Variants in MAS1 observed in about 807,000 individuals in gnomAD.
MAS1 encodes proto-oncogene Mas.
For synonymous variants in MAS1, 163 were observed against 164.2 expected, an observed-to-expected ratio of 0.99 and a Z score of 0.05; for missense variants, 387 against 409.7, an observed-to-expected ratio of 0.94 and a Z score of 0.48.
In MAS1 at chr6:159,911,441, T is replaced by G. The variant is rs1782964004; in HGVS notation, c.*3508T>G. 1 of 149,616 alleles carries G rather than the reference T, an allele frequency of 6.7e-6. No individual in the cohort carries two copies. The highest frequency in any genetic ancestry group is 2.5e-5 in the African/African-American group (1 of 40,296). The allele number at this position is 149,616 out of a possible 1,614,324, so 9.3% of individuals were successfully genotyped here. A position where few individuals can be genotyped will look rare whatever the true frequency, so the allele number is the denominator to read the frequency against. On this transcript the variant is annotated 3_prime_UTR_variant, in exon 3 of 3. Transcript: ENST00000674077. Reference sequence around the variant, plus strand: ...CCTCCACCTCCCAGGTTCAAGCAATTCTCCTGCCTCAGCCTCCCAAGTAGC... The same window carrying G: ...CCTCCACCTCCCAGGTTCAAGCAATGCTCCTGCCTCAGCCTCCCAAGTAGC...
At position 159,910,436 on chromosome 6, in the gene MAS1, C is replaced by T. The variant is rs1354617521; in HGVS notation, c.*2503C>T. On this transcript the variant is annotated 3_prime_UTR_variant, in exon 3 of 3. Coordinates refer to ENST00000674077, the MANE Select transcript of MAS1 (RefSeq NM_002377.4). ...GGCTCTTCCTGCCACCCCCATATTG[C>T]ATGCAGCCTCTTCTGTTCCCTCCCC... 6.6e-6 allele frequency: 1 copy of T among 152,290 alleles called. No homozygotes were observed. The highest frequency in any genetic ancestry group is 1.5e-5 in the Non-Finnish European group (1 of 68,068). The allele number at this position is 152,290 out of a possible 1,614,324, so 9.4% of individuals were successfully genotyped here. A position where few individuals can be genotyped will look rare whatever the true frequency, so the allele number is the denominator to read the frequency against.
chr6:159,899,694 G>C (rs1488707275), intron 2 of MAS1, among the ~76,000 whole-genome samples: 1 of 152,154 alleles, frequency 6.6e-6, no homozygotes, highest in Non-Finnish European at 1.5e-5. Flanking sequence ...AGCTATGACT[G>C]CACCACTGCA....
chr6:159,889,994 T>G (rs1225134985), upstream of MAS1, among the ~76,000 whole-genome samples: 1 of 152,206 alleles, frequency 6.6e-6, no homozygotes, highest in Admixed American at 6.5e-5. Context: ...TTCTTACCCC[T>G]TTTGATATAG....
intron 1 of MAS1, among the ~76,000 whole-genome samples, chr6:159,892,710 A>G (rs975191622): frequency 1.3e-5 from 2 of 152,178 alleles, no homozygotes; most frequent in Non-Finnish European, 1.5e-5. Context: ...AATTGCAGCC[A>G]GCAATCTCAG....
rs1205962849 is a variant in MAS1 at position 159,917,347 on chromosome 6, A to G, written c.*9414A>G. Among the ~76,000 whole-genome samples the G allele has an allele frequency of 6.6e-6, 1 of 152,246 alleles. No individual in the cohort carries two copies. The highest frequency in any genetic ancestry group is 2.4e-5 in the African/African-American group (1 of 41,458). ...AATAGAATTCCAATTCTACATGCTC[A>G]GGGACCATTTTGTTCACTTGTATCA... On this transcript the variant is annotated 3_prime_UTR_variant, in exon 3 of 3. Coordinates refer to ENST00000674077, the MANE Select transcript of MAS1 (RefSeq NM_002377.4).
At chr6:159,905,752 C>A (rs1782877761) in intron 2 of MAS1, among the ~76,000 whole-genome samples, 1 of 152,174 alleles carries the variant, frequency 6.6e-6, no homozygotes, top group African/African-American at 2.4e-5. Context: ...TAAAAATATT[C>A]TTTTGATTGG....
intron 1 of MAS1, among the ~76,000 whole-genome samples, chr6:159,893,443 G>C (rs919574542): frequency 6.6e-6 from 1 of 152,144 alleles, no homozygotes; most frequent in Admixed American, 6.5e-5. Context: ...ACAAAGTGAG[G>C]AGGGCATCTG....
Position 159,907,629 on chromosome 6 carries a change from A to C in MAS1, c.674A>C (p.Lys225Thr). The stretch of plus-strand genomic sequence containing the variant: ...AACACGTGGGCTTCCCATTCCTCCA[A>C]GCTTTACATAGTCATCATGGTCACC... ...RKNTWASHSS[K>T]LYIVIMVTII... Residue 225 changes from lysine (K) to threonine (T), a missense_variant, in exon 3 of 3, where the codon AAG (lysine) becomes ACG (threonine). Lys to Thr is a moderately conservative substitution (Grantham distance 78, BLOSUM62 -1). Coordinates refer to ENST00000674077, the MANE Select transcript of MAS1 (RefSeq NM_002377.4). 1 of 1,613,694 alleles carries C rather than the reference A, an allele frequency of 6.2e-7. No homozygotes were observed. Among genetic ancestry groups the C allele is most frequent in the East Asian group, 2.2e-5 (1 of 44,824 alleles).
intron 1 of MAS1, among the ~76,000 whole-genome samples, chr6:159,897,649 T>C (rs145613850): frequency 6.0e-4 from 91 of 152,314 alleles, no homozygotes; most frequent in African/African-American, 2.0e-3. Context: ...TGATCAGGAA[T>C]GAACAGGGGC....
chr6:159,891,870 G>A (rs991798209), intron 1 of MAS1, among the ~76,000 whole-genome samples: 3 of 152,178 alleles, frequency 2.0e-5, no homozygotes, highest in Non-Finnish European at 2.9e-5. Context: ...CTCTAGCAGA[G>A]TGCCACGGCC....
chr6:159,897,686 A>G (rs1333754714), intron 1 of MAS1, among the ~76,000 whole-genome samples: 1 of 152,220 alleles, frequency 6.6e-6, no homozygotes, highest in East Asian at 1.9e-4. Context: ...GCAAGATGGA[A>G]TCAGTTAGGT....
intron 1 of MAS1, among the ~76,000 whole-genome samples, chr6:159,894,694 C>A (rs77464169): frequency 6.6e-6 from 1 of 152,142 alleles, no homozygotes; most frequent in Non-Finnish European, 1.5e-5. Flanking sequence ...GAGAGCGCTG[C>A]GCTGTTGAAT....
Position 159,913,268 on chromosome 6 carries a change from C to G in MAS1, c.*5335C>G, listed in dbSNP as rs1026926456. 4 of 152,326 alleles carry G rather than the reference C, an allele frequency of 2.6e-5. No homozygotes were observed. Among genetic ancestry groups the G allele is most frequent in the Admixed American group, 2.6e-4 (4 of 15,284 alleles). 9.4% of individuals were successfully genotyped at this position (152,326 alleles called of 1,614,324 possible). ...ATCCCAGCTACTTGGGAGGCTGAGGCAGGAGAATTGCTTGAACCTGGGAGG... is the reference window on the plus strand; with the variant it reads ...ATCCCAGCTACTTGGGAGGCTGAGGGAGGAGAATTGCTTGAACCTGGGAGG... On this transcript the variant is annotated 3_prime_UTR_variant, in exon 3 of 3. Coordinates refer to ENST00000674077, the MANE Select transcript of MAS1 (RefSeq NM_002377.4).
intron 1 of MAS1, among the ~76,000 whole-genome samples, chr6:159,893,480 A>T (rs1782723245): frequency 6.6e-6 from 1 of 152,174 alleles, no homozygotes; most frequent in East Asian, 1.9e-4. Flanking sequence ...GAGCAGTGGC[A>T]GACATAGGCA....
rs1782996233 is a variant in MAS1 at position 159,914,221 on chromosome 6, A to C, written c.*6288A>C. ...TCTGTCAGACATTTCGGAGATCTTC[A>C]ATTCTTCTGGGTCCATTGCTACAGC... is the stretch of plus-strand genomic sequence containing the variant. On this transcript the variant is annotated 3_prime_UTR_variant, in exon 3 of 3. Transcript: ENST00000674077. 1 of 152,104 alleles carries C rather than the reference A, an allele frequency of 6.6e-6. No individual in the cohort carries two copies. The highest frequency in any genetic ancestry group is 1.5e-5 in the Non-Finnish European group (1 of 68,028). The allele number at this position is 152,104 out of a possible 1,614,324, so 9.4% of individuals were successfully genotyped here.
chr6:159,906,884 C>T (rs910992513), intron 2 of MAS1, 36 bp from the exon 3 acceptor site: 3 of 1,447,996 alleles, frequency 2.1e-6, no homozygotes, highest in Admixed American at 2.3e-5. Context: ...ATTTTCATGG[C>T]TTTTTGTGTT....
intron 2 of MAS1, among the ~76,000 whole-genome samples, chr6:159,899,757 A>C (rs1478365986): frequency 6.6e-6 from 1 of 152,028 alleles, no homozygotes; most frequent in Non-Finnish European, 1.5e-5. Context: ...ACAAAACAAA[A>C]GATAATGAGG....
rs577293375 is a variant in MAS1 at position 159,906,183 on chromosome 6, G to A, written c.-36-737G>A. 8.5e-5 allele frequency among the ~76,000 whole-genome samples: 13 copies of A among 152,288 alleles called. No individual in the cohort carries two copies. In the South Asian group the frequency reaches 1.9e-3, roughly 22 times the overall value. ...TTGAGTGCTTTGTCTGGCATCTGGC[G>A]ATGGTGTTTCCCGCACCATCTGGCC... is the stretch of plus-strand genomic sequence containing the variant. On this transcript the variant is annotated intron_variant, in intron 2 of 2. Coordinates refer to ENST00000674077, the MANE Select transcript of MAS1 (RefSeq NM_002377.4).
chr6:159,903,951 A>C (rs1263156714), intron 2 of MAS1, among the ~76,000 whole-genome samples: 2 of 152,224 alleles, frequency 1.3e-5, no homozygotes, highest in Non-Finnish European at 2.9e-5. Flanking sequence ...TACCAAGGTC[A>C]GCAATGGCTC....
Sources: allele counts gnomAD v4.1 joint callset (sites outside exome capture counted in the v4.1 genomes callset), GRCh38; gene constraint gnomAD v4.1.1; transcripts MANE v1.5; gene names NCBI Gene and HGNC (gene_info 2026-07-23, HGNC 2026-07-21).